DHX32: variants seen among roughly 807,000 people sequenced by gnomAD.
The protein encoded by DHX32 is DEAH-box helicase 32 (putative).
In DHX32, 51 loss-of-function variants were observed where a neutral mutation model predicts 70.0. The observed-to-expected ratio is 0.73, with a 90% CI of 0.58 to 0.92. The LOEUF is 0.92. Among genes scored for constraint, DHX32 ranks in the 40% least tolerant of loss-of-function variants. The pLI, the probability that DHX32 is intolerant of heterozygous loss-of-function variation, is 0.00. For synonymous variants in DHX32, 310 were observed against 315.3 expected (o/e 0.98, Z 0.18); for missense variants, 762 against 891.8 (o/e 0.85, Z 1.85).
At chr10:125,878,034 G>A (rs1944294410) in intron 1 of DHX32, among the ~76,000 whole-genome samples, 1 of 152,178 alleles carries the variant, frequency 6.6e-6, no homozygotes, top group South Asian at 2.1e-4. Flanking sequence ...CTGGTTGCTT[G>A]CTTTAAAACT....
chr10:125,869,779 C>T (rs1159308177), intron 1 of DHX32, among the ~76,000 whole-genome samples: 1 of 152,070 alleles, frequency 6.6e-6, no homozygotes, highest in African/African-American at 2.4e-5. Context: ...CCTTAAGCTA[C>T]ACGTGTGGTT....
At chr10:125,860,108 TC>T (rs1346127507) in intron 2 of DHX32, 133 bp from the exon 3 acceptor site, 1 of 750,352 alleles carries the variant, frequency 1.3e-6, no homozygotes, top group African/African-American at 1.8e-5. Flanking sequence ...GGGCCAAAAT[TC>T]CTTTAAGTTG....
chr10:125,865,737 T>C (rs1376477552), intron 2 of DHX32, among the ~76,000 whole-genome samples: 1 of 152,152 alleles, frequency 6.6e-6, no homozygotes, highest in African/African-American at 2.4e-5. Context: ...CTGTGTTGCC[T>C]AGTCTGGTCT....
chr10:125,839,296 A>G, intron 8 of DHX32, 108 bp from the exon 9 acceptor site: 1 of 1,143,232 alleles, frequency 8.7e-7, no homozygotes, highest in Non-Finnish European at 1.2e-6. Context: ...CTCTCCTACA[A>G]AGGAGGCCAC....
chr10:125,853,580 A>G (rs1289873636), intron 4 of DHX32: 1 of 212,904 alleles, frequency 4.7e-6, no homozygotes, highest in Non-Finnish European at 9.2e-6. Context: ...TAAAGGGGCT[A>G]TCAAAAAAAT....
At chr10:125,841,519 A>C in intron 7 of DHX32, 1 of 1,433,586 alleles carries the variant, frequency 7.0e-7, no homozygotes, top group Non-Finnish European at 9.1e-7. Context: ...CTGATGTATA[A>C]ATTTGCTGAA....
At chr10:125,889,060 A>G (rs1306598678) in intron 1 of DHX32, among the ~76,000 whole-genome samples, 3 of 152,212 alleles carry the variant, frequency 2.0e-5, no homozygotes, top group Non-Finnish European at 4.4e-5. Context: ...CTCCGTTTCC[A>G]AAAAAATAAT....
At chr10:125,867,611 C>T (rs955748741) in intron 1 of DHX32, among the ~76,000 whole-genome samples, 26 of 151,960 alleles carry the variant, frequency 1.7e-4, no homozygotes, top group Admixed American at 3.9e-4. Context: ...TGGCGGGCGC[C>T]TGTAGTCTCA....
At chr10:125,870,896 CA>C (rs1944252037) in intron 1 of DHX32, among the ~76,000 whole-genome samples, 1 of 152,078 alleles carries the variant, frequency 6.6e-6, no homozygotes, top group African/African-American at 2.4e-5. Context: ...ATGGCAACAT[CA>C]GGGGGACAGT....
intron 1 of DHX32, among the ~76,000 whole-genome samples, chr10:125,878,375 A>C (rs935647834): frequency 1.3e-5 from 2 of 152,220 alleles, no homozygotes; most frequent in African/African-American, 4.8e-5. Context: ...TCTTCATAAC[A>C]AACTTCACCT....
At chr10:125,883,447 G>A (rs148011607), upstream of DHX32, among the ~76,000 whole-genome samples, 1 of 152,118 alleles carries the variant, frequency 6.6e-6, no homozygotes, top group Non-Finnish European at 1.5e-5. Flanking sequence ...AGAACCAGCT[G>A]TCATTCTATG....
At chr10:125,855,510 C>G (rs903686728) in intron 3 of DHX32, among the ~76,000 whole-genome samples, 13 of 149,744 alleles carry the variant, frequency 8.7e-5, no homozygotes, top group Non-Finnish European at 1.6e-4. Flanking sequence ...GTGCAGTGGC[C>G]CGATCTCAGC....
rs756314439 is a variant in DHX32, at chr10:125,840,919, C to T, written c.1621G>A (p.Glu541Lys). 24 of 1,612,558 alleles carry T rather than the reference C, an allele frequency of 1.5e-5. No homozygotes were observed. Among genetic ancestry groups the T allele is most frequent in the Admixed American group, 5.0e-5 (3 of 59,964 alleles). The change falls in exon 8 of 11, where the codon GAA becomes AAA. Residue 541 changes from glutamate (E) to lysine (K), a missense_variant. Glu to Lys is a moderately conservative substitution (Grantham distance 56). This residue lies in a region of DHX32 where 366 missense variants were observed against 402.6 expected (regional missense o/e 0.91). Transcript: ENST00000284690. ...LTCWKTFLHPEGDHFTLISIY... is the reference protein window; with the variant it reads ...LTCWKTFLHPKGDHFTLISIY... ...CTGATGAGGGTAAAGTGATCTCCTT[C>T]GGGATGTAAAAATGTCTTCCAACAA...
rs767200461 is a variant in DHX32, at chr10:125,839,168, G to A, written c.1714C>T (p.Arg572Cys). 36 of 1,614,020 alleles carry A rather than the reference G, an allele frequency of 2.2e-5. No homozygotes were observed. The highest frequency in any genetic ancestry group is 8.3e-5 in the Admixed American group (5 of 59,994). The change falls in exon 9 of 11, where the codon CGT (arginine) becomes TGT (cysteine). Residue 572 changes from arginine (R) to cysteine (C), a missense_variant. Physicochemically the swap from Arg to Cys is radical, Grantham distance 180. This residue lies in a region of DHX32 where 366 missense variants were observed against 402.6 expected (regional missense o/e 0.91). Transcript: ENST00000284690. ...GCTGAACAGTTGAGGAAGTAATCAC[G>A]ACACCACTTTTCCACACAGTCTAGG... The part of the protein sequence containing the change: ...SSEYCVEKWC[R>C]DYFLNCSALR...
At chr10:125,858,752 C>T (rs1017241941) in intron 3 of DHX32, among the ~76,000 whole-genome samples, 2 of 152,098 alleles carry the variant, frequency 1.3e-5, no homozygotes, top group African/African-American at 2.4e-5. Flanking sequence ...TCATGCTTCT[C>T]CTCTCTGTGG....
chr10:125,838,716 A>G (rs1350060311), intron 9 of DHX32, among the ~76,000 whole-genome samples: 1 of 152,182 alleles, frequency 6.6e-6, no homozygotes, highest in Non-Finnish European at 1.5e-5. Flanking sequence ...CAAGTGCTTT[A>G]CACTTGGTGT....
At chr10:125,893,243 CTTTTA>C (rs1273315928) in intron 1 of DHX32, among the ~76,000 whole-genome samples, 2 of 152,012 alleles carry the variant, frequency 1.3e-5, no homozygotes, top group Non-Finnish European at 2.9e-5. Context: ...ATTTATTTAA[CTTTTA>C]TTTTATTTTT....
chr10:125,840,790 G>A, intron 8 of DHX32, 57 bp downstream of exon 8: 1 of 1,511,056 alleles, frequency 6.6e-7, no homozygotes, highest in African/African-American at 1.4e-5. Flanking sequence ...TAAGGACTCA[G>A]ACTTATCTAG....
rs1944246717 is a variant in DHX32, at chr10:125,869,981, A to G, written c.283-2798T>C. Among the ~76,000 whole-genome samples the G allele has an allele frequency of 1.3e-5, 2 of 152,234 alleles. 1 individual carries two copies. The highest frequency in any genetic ancestry group is 4.1e-4 in the South Asian group (2 of 4,830). ...AAAGGAAGAATAAGCAGTGCCCACT[A>G]ACAGACTAATTATGCATAGGAAGAA... is the stretch of plus-strand genomic sequence containing the variant. On this transcript the variant is annotated intron_variant, in intron 1 of 10. Coordinates refer to ENST00000284690, the MANE Select transcript of DHX32 (RefSeq NM_018180.3).
Sources: gnomAD v4.1 joint callset for allele counts (sites outside exome capture counted in the v4.1 genomes callset) on GRCh38, gnomAD v4.1.1 for gene constraint, gnomAD v4.1.1 regional missense constraint, MANE v1.5 for transcripts, NCBI Gene and HGNC (gene_info 2026-07-23, HGNC 2026-07-21) for gene names.